GRM7: variants seen among roughly 807,000 people sequenced by gnomAD.
GRM7 encodes metabotropic glutamate receptor 7.
In GRM7, 35 loss-of-function variants were observed where a neutral mutation model predicts 84.5. The ratio of observed to expected loss-of-function variants is 0.41; its 90% CI spans 0.32 to 0.55. The LOEUF (loss-of-function observed/expected upper bound fraction) is 0.55. Among genes scored for constraint, GRM7 ranks in the 20% least tolerant of loss-of-function variants. The pLI is 0.19. For missense variants in GRM7, 1,003 were observed against 1,194.6 expected (o/e 0.84, Z 2.36); for synonymous variants, 487 against 455.1 (o/e 1.07, Z -0.89).
chr3:7,256,118 T>C (rs6792758), intron 2 of GRM7, among the ~76,000 whole-genome samples: 7,842 of 152,162 alleles, frequency 0.052, 658 homozygotes, highest in African/African-American at 0.18. Context: ...CCTTGTCTGG[T>C]GTTTCCTCTC....
intron 2 of GRM7, among the ~76,000 whole-genome samples, chr3:7,275,626 A>G (rs1699023584): frequency 6.6e-6 from 1 of 152,060 alleles, no homozygotes; most frequent in East Asian, 1.9e-4. Context: ...TCCTTCCCCA[A>G]CTAGGTGAGG....
At chr3:6,956,723 T>C (rs1669118469) in intron 1 of GRM7, 1 of 447,746 alleles carries the variant, frequency 2.2e-6, no homozygotes, top group Admixed American at 2.4e-5. Context: ...TATCTCACAA[T>C]TGAGTGTTCC....
At chr3:6,906,635 G>A (rs1043955478) in intron 1 of GRM7, among the ~76,000 whole-genome samples, 1 of 152,028 alleles carries the variant, frequency 6.6e-6, no homozygotes, top group Non-Finnish European at 1.5e-5. Context: ...ATCATGCACT[G>A]AGGATGTTCA....
At chr3:7,130,530 G>T (rs183707407) in intron 1 of GRM7, among the ~76,000 whole-genome samples, 1 of 147,330 alleles carries the variant, frequency 6.8e-6, no homozygotes, top group Admixed American at 6.8e-5. Flanking sequence ...GTGACAGTGC[G>T]AGATTCTTGT....
At chr3:7,165,270 G>A (rs1420733699) in intron 2 of GRM7, among the ~76,000 whole-genome samples, 3 of 152,164 alleles carry the variant, frequency 2.0e-5, no homozygotes, top group African/African-American at 7.2e-5. Flanking sequence ...CAGAATTAAA[G>A]TATACAGTAC....
chr3:7,729,745 T>C (rs1391194558), intron 9 of GRM7, among the ~76,000 whole-genome samples: 2 of 152,136 alleles, frequency 1.3e-5, no homozygotes, highest in East Asian at 3.9e-4. Context: ...CTCACTCTGT[T>C]GCCAGGCTGG....
At position 7,306,504 on chromosome 3, in the gene GRM7, C is replaced by T; in HGVS notation, c.885C>T (p.Ile295=). 1 of 1,613,538 alleles carries T rather than the reference C, an allele frequency of 6.2e-7. No homozygotes were observed. Among genetic ancestry groups the T allele is most frequent in the Non-Finnish European group, 8.5e-7 (1 of 1,179,532 alleles). The change falls in exon 4 of 10, where the codon ATC becomes ATT. Residue 295 remains isoleucine, a synonymous_variant. Transcript: ENST00000357716. The part of the protein sequence containing the change: ...IFANDEDIKQ[I]LAAAKRADQV... ...TCCATATTTCTTTCCACAGGCAGAT[C>T]CTTGCAGCAGCCAAAAGAGCTGACC...
intron 4 of GRM7, among the ~76,000 whole-genome samples, chr3:7,361,905 T>G (rs1442456234): frequency 6.6e-6 from 1 of 152,112 alleles, no homozygotes; most frequent in African/African-American, 2.4e-5. Flanking sequence ...AAATGTACAA[T>G]TAATTCAAGA....
chr3:6,897,573 G>A (rs1346031380), intron 1 of GRM7, among the ~76,000 whole-genome samples: 1 of 152,160 alleles, frequency 6.6e-6, no homozygotes, highest in Admixed American at 6.6e-5. Flanking sequence ...CATTAGATTA[G>A]TGCATTCAGG....
chr3:7,219,231 A>AT (rs1696716523), intron 2 of GRM7, among the ~76,000 whole-genome samples: 1 of 149,922 alleles, frequency 6.7e-6, no homozygotes, highest in South Asian at 2.1e-4. Flanking sequence ...AATGTTCTAT[A>AT]TTTTTTCTTT....
chr3:6,942,443 G>A (rs755226284), intron 1 of GRM7, among the ~76,000 whole-genome samples: 5 of 151,948 alleles, frequency 3.3e-5, no homozygotes, highest in South Asian at 2.1e-4. Flanking sequence ...TTAAGCTTCC[G>A]TCAGATTTAT....
intron 2 of GRM7, among the ~76,000 whole-genome samples, chr3:7,258,874 G>A (rs1020369698): frequency 6.6e-6 from 1 of 152,220 alleles, no homozygotes; most frequent in African/African-American, 2.4e-5. Flanking sequence ...AGGTACACAA[G>A]TGCTGAAGGA....
chr3:6,902,895 G>A (rs1432466203), intron 1 of GRM7, among the ~76,000 whole-genome samples: 1 of 139,722 alleles, frequency 7.2e-6, no homozygotes, highest in South Asian at 2.2e-4. Context: ...CTACTCTAGA[G>A]AATGGAATTT....
chr3:6,894,514 T>G (rs1429128746), intron 1 of GRM7, among the ~76,000 whole-genome samples: 1 of 152,174 alleles, frequency 6.6e-6, no homozygotes, highest in Non-Finnish European at 1.5e-5. Context: ...TTAATTGTAA[T>G]ATATACATTG....
chr3:7,420,119 A>G (rs924090182), intron 5 of GRM7, among the ~76,000 whole-genome samples: 3 of 152,188 alleles, frequency 2.0e-5, no homozygotes, highest in Non-Finnish European at 2.9e-5. Context: ...AACGCTGTTA[A>G]TGAATAAACC....
intron 4 of GRM7, among the ~76,000 whole-genome samples, chr3:7,409,354 C>T (rs945494582): frequency 6.6e-6 from 1 of 151,984 alleles, no homozygotes; most frequent in African/African-American, 2.4e-5. Flanking sequence ...TAAGTGAAAG[C>T]TTCAACTTTT....
At chr3:7,297,440 A>G (rs901265368) in intron 2 of GRM7, among the ~76,000 whole-genome samples, 4 of 152,198 alleles carry the variant, frequency 2.6e-5, no homozygotes, top group African/African-American at 9.7e-5. Context: ...TTGTGCTTGA[A>G]AAGAATAAAT....
intron 2 of GRM7, among the ~76,000 whole-genome samples, chr3:7,235,498 G>A (rs1183358420): frequency 6.6e-6 from 1 of 152,016 alleles, no homozygotes; most frequent in African/African-American, 2.4e-5. Flanking sequence ...GTATTGATTG[G>A]GCCTTGTCTC....
rs58233129 is a variant in GRM7 at position 6,891,698 on chromosome 3, A to T, written c.519+29791A>T. Among the ~76,000 whole-genome samples, 470 of 152,130 alleles carry T rather than the reference A, an allele frequency of 3.1e-3. 7 individuals carry two copies. Among genetic ancestry groups the T allele is most frequent in the African/African-American group, 0.011 (455 of 41,500 alleles). ...CTTCATTTCAACTTTGGCAAATCTG[A>T]CAATTATGTGTGTTGGAGTTGCTCT... is the stretch of plus-strand genomic sequence containing the variant. On this transcript the variant is annotated intron_variant, in intron 1 of 9. Coordinates refer to ENST00000357716, the MANE Select transcript of GRM7 (RefSeq NM_000844.4).
Sources: gnomAD v4.1 joint callset for allele counts (sites outside exome capture counted in the v4.1 genomes callset) on GRCh38, gnomAD v4.1.1 for gene constraint, MANE v1.5 for transcripts, NCBI Gene and HGNC (gene_info 2026-07-23, HGNC 2026-07-21) for gene names.